The following NF1 variants were observed in gnomAD, a reference collection of about 807,000 sequenced individuals.
NF1 encodes neurofibromin.
NF1 carries 122 observed loss-of-function variants against 325.7 expected under a neutral mutation model. The observed-to-expected ratio is 0.37, with a 90% CI of 0.32 to 0.44. NF1 has a LOEUF of 0.44. Ranked by LOEUF, NF1 falls within the 20% of genes least tolerant of loss-of-function variation. The pLI, the probability that NF1 is intolerant of heterozygous loss-of-function variation, is 1.00. For missense variants in NF1, 2,140 were observed against 3,415.4 expected, an observed-to-expected ratio of 0.63 and a Z score of 9.31; for synonymous variants, 1,091 against 1,186.0, an observed-to-expected ratio of 0.92 and a Z score of 1.65.
intron 36 of NF1, chr17:31,296,397 G>T: frequency 1.3e-6 from 2 of 1,580,284 alleles, no homozygotes; most frequent in Non-Finnish European, 1.7e-6. Context: ...GCATCTGCAT[G>T]GGTCAGTTAG....
chr17:31,243,008 T>C (rs2067326812), intron 29 of NF1, among the ~76,000 whole-genome samples: 2 of 152,222 alleles, frequency 1.3e-5, no homozygotes, highest in South Asian at 4.1e-4. Flanking sequence ...CTATATCTGC[T>C]TTAGGGGACA....
intron 31 of NF1, 69 bp from the exon 32 acceptor site, chr17:31,258,275 G>A (rs1264181980): frequency 9.6e-6 from 15 of 1,560,056 alleles, no homozygotes; most frequent in Non-Finnish European, 1.2e-5. Flanking sequence ...TTTGACCTTT[G>A]AACTCTTTGT....
chr17:31,141,716 C>T (rs774578412), intron 1 of NF1, among the ~76,000 whole-genome samples: 1 of 152,118 alleles, frequency 6.6e-6, no homozygotes, highest in Non-Finnish European at 1.5e-5. Flanking sequence ...AGCTGGATGC[C>T]TCTGGAGCAC....
At chr17:31,288,575 C>T (rs911179186) in intron 36 of NF1, among the ~76,000 whole-genome samples, 2 of 134,732 alleles carry the variant, frequency 1.5e-5, no homozygotes, top group Admixed American at 8.8e-5. Flanking sequence ...TTGCTCTTGT[C>T]ACCCAGGCTG....
chr17:31,293,208 A>AAAAAAAAG (rs2068385302), intron 36 of NF1, among the ~76,000 whole-genome samples: 1 of 138,534 alleles, frequency 7.2e-6, no homozygotes, highest in Non-Finnish European at 1.5e-5. Context: ...AAAAAAAAAA[A>AAAAAAAAG]AAAGAAACCT....
intron 31 of NF1, among the ~76,000 whole-genome samples, chr17:31,257,483 A>G (rs895412825): frequency 5.3e-5 from 8 of 152,010 alleles, no homozygotes; most frequent in African/African-American, 9.7e-5. Flanking sequence ...GTTTTATAGC[A>G]CTCTTCCCGA....
At chr17:31,097,287 G>A (rs1403259362) in intron 1 of NF1, among the ~76,000 whole-genome samples, 1 of 151,804 alleles carries the variant, frequency 6.6e-6, no homozygotes, top group African/African-American at 2.4e-5. Flanking sequence ...GAGAAACCTC[G>A]TCTCTACTAA....
rs533627627 is a variant in NF1, at chr17:31,100,192, TTTG to T, written c.60+4829_60+4831del. 4.0e-3 allele frequency among the ~76,000 whole-genome samples: 603 copies of T among 152,304 alleles called. 4 individuals carry two copies. Among genetic ancestry groups the T allele is most frequent in the African/African-American group, 0.014 (576 of 41,556 alleles). On this transcript the variant is annotated intron_variant, in intron 1 of 57. Coordinates refer to ENST00000358273, the MANE Select transcript of NF1 (RefSeq NM_001042492.3). ...TGATTTTAGAGGTTGTAGTAGCATA[TTTG>T]TTGTTCTCATACATTGAGTGTTCAT...
chr17:31,172,327 CTCTG>C (rs1250814405), intron 5 of NF1, among the ~76,000 whole-genome samples: 1 of 141,194 alleles, frequency 7.1e-6, no homozygotes, highest in Non-Finnish European at 1.6e-5. Context: ...GAGATCCTGT[CTCTG>C]TCTGTCTCTC....
At chr17:31,317,540 C>G (rs2069055976) in intron 36 of NF1, 1 of 152,084 alleles carries the variant, frequency 6.6e-6, no homozygotes, top group Non-Finnish European at 1.5e-5. Flanking sequence ...GTGAAACATA[C>G]TTTGCGTTTA....
chr17:31,363,735 ATT>A (rs1289252413), intron 57 of NF1, among the ~76,000 whole-genome samples: 7 of 133,386 alleles, frequency 5.2e-5, no homozygotes, highest in African/African-American at 1.5e-4. Context: ...TGCGCCCAGC[ATT>A]TTTTTTTTTT....
At chr17:31,123,855 C>T (rs1305525639) in intron 1 of NF1, among the ~76,000 whole-genome samples, 2 of 152,098 alleles carry the variant, frequency 1.3e-5, no homozygotes, top group South Asian at 2.1e-4. Context: ...AAGTAGCCTC[C>T]TATTCCATTT....
At chr17:31,335,074 C>T (rs2151550919) in intron 40 of NF1, 43 bp downstream of exon 40, 4 of 1,533,284 alleles carry the variant, frequency 2.6e-6, no homozygotes, top group Non-Finnish European at 3.6e-6. Flanking sequence ...CTCCTTTGTG[C>T]ACATATTTAT....
At chr17:31,114,494 C>T (rs978272157) in intron 1 of NF1, among the ~76,000 whole-genome samples, 6 of 150,988 alleles carry the variant, frequency 4.0e-5, no homozygotes, top group African/African-American at 1.5e-4. Flanking sequence ...GCTGAGATCA[C>T]ACCACTGCAC....
chr17:31,344,494 T>A (rs2069917340), intron 48 of NF1, among the ~76,000 whole-genome samples: 1 of 152,240 alleles, frequency 6.6e-6, no homozygotes, highest in African/African-American at 2.4e-5. Context: ...CAATAGAGAT[T>A]CAAGCTATAG....
chr17:31,101,040 C>T (rs1912279495), intron 1 of NF1, among the ~76,000 whole-genome samples: 1 of 151,912 alleles, frequency 6.6e-6, no homozygotes, highest in Non-Finnish European at 1.5e-5. Context: ...TTACTTGGTC[C>T]TGCAGCTCTC....
chr17:31,259,087 C>T lies in NF1; in HGVS notation c.4388C>T (p.Pro1463Leu). Residue 1463 changes from proline to leucine, a missense_variant, in exon 33 of 58, where the codon CCT becomes CTT. Pro to Leu is a moderately conservative substitution (Grantham distance 98). Transcript: ENST00000358273. ...TTCACAAAAGAAGAACATATGCGGCCTTTCAATGATTTTGTGAAAAGCAAC... is the reference window on the plus strand; with the variant it reads ...TTCACAAAAGAAGAACATATGCGGCTTTTCAATGATTTTGTGAAAAGCAAC... ...VLFTKEEHMR[P>L]FNDFVKSNFD... 6.2e-7 allele frequency: 1 copy of T among 1,604,912 alleles called. No homozygotes were observed. Among genetic ancestry groups the T allele is most frequent in the Non-Finnish European group, 8.5e-7 (1 of 1,174,570 alleles).
chr17:31,105,864 G>T (rs1033826755), intron 1 of NF1, among the ~76,000 whole-genome samples: 1 of 152,090 alleles, frequency 6.6e-6, no homozygotes, highest in Non-Finnish European at 1.5e-5. Flanking sequence ...CCTAACTCCC[G>T]TGTCCCACCC....
intron 29 of NF1, among the ~76,000 whole-genome samples, chr17:31,242,127 A>G (rs1225497073): frequency 1.3e-5 from 2 of 150,548 alleles, no homozygotes; most frequent in Non-Finnish European, 3.0e-5. Flanking sequence ...GCTCCATTGT[A>G]TGTTATTTGT....
Sources: allele counts gnomAD v4.1 joint callset (sites outside exome capture counted in the v4.1 genomes callset), GRCh38; gene constraint gnomAD v4.1.1; transcripts MANE v1.5; gene names NCBI Gene and HGNC (gene_info 2026-07-23, HGNC 2026-07-21).